The following NALF1 variants were observed in gnomAD, a reference collection of about 807,000 sequenced individuals.
The protein encoded by NALF1 is NALCN channel auxiliary factor 1.
A neutral mutation model predicts 48.4 loss-of-function variants in NALF1; 3 were observed. The ratio of observed to expected loss-of-function variants is 0.06; its 90% CI spans 0.03 to 0.16. The LOEUF (loss-of-function observed/expected upper bound fraction) is 0.16, where lower values mean the gene tolerates loss of function less well. Among genes scored for constraint, NALF1 ranks in the 10% least tolerant of loss-of-function variants. NALF1 has a pLI of 1.00. For missense variants in NALF1, 526 were observed against 571.5 expected, an observed-to-expected ratio of 0.92 and a Z score of 0.81; for synonymous variants, 262 against 245.7, an observed-to-expected ratio of 1.07 and a Z score of -0.62.
chr13:107,178,828 G>A (rs1024280464), intron 2 of NALF1, among the ~76,000 whole-genome samples: 1 of 151,834 alleles, frequency 6.6e-6, no homozygotes, highest in African/African-American at 2.4e-5. Flanking sequence ...GCCTGTAGTC[G>A]CAGCTACTCG....
chr13:107,306,217 CA>C (rs1257635027), intron 1 of NALF1, among the ~76,000 whole-genome samples: 1 of 152,054 alleles, frequency 6.6e-6, no homozygotes, highest in African/African-American at 2.4e-5. Context: ...ACCAGACAGA[CA>C]AAAACGACAA....
chr13:107,356,551 T>G (rs1355071018), intron 1 of NALF1, among the ~76,000 whole-genome samples: 1 of 152,208 alleles, frequency 6.6e-6, no homozygotes, highest in Admixed American at 6.5e-5. Context: ...ATTTTTCTAG[T>G]ATTTGTTCCA....
intron 1 of NALF1, among the ~76,000 whole-genome samples, chr13:107,815,727 G>A (rs746936282): frequency 3.9e-5 from 6 of 152,048 alleles, no homozygotes; most frequent in Non-Finnish European, 8.8e-5. Context: ...CCAAAAAGGT[G>A]AACAACCCCA....
rs1878680581 is a variant in NALF1, at chr13:107,167,280, A to G, written c.*3217T>C. 6.6e-6 allele frequency: 1 copy of G among 152,230 alleles called. No individual in the cohort carries two copies. The allele number at this position is 152,230 out of a possible 1,614,324, so 9.4% of individuals were successfully genotyped here. ...ACAGGAAAAACTAAACAAGATGATG[A>G]TTACAAAGGAGCAGGGGCTGAACTT... On this transcript the variant is annotated 3_prime_UTR_variant, in exon 3 of 3. Transcript: ENST00000375915.
intron 1 of NALF1, among the ~76,000 whole-genome samples, chr13:107,370,741 A>G (rs1408631904): frequency 6.6e-6 from 1 of 152,154 alleles, no homozygotes; most frequent in Non-Finnish European, 1.5e-5. Flanking sequence ...TTTATTTTAT[A>G]AAAAAAGGTT....
intron 1 of NALF1, among the ~76,000 whole-genome samples, chr13:107,742,191 T>G (rs935732301): frequency 6.6e-6 from 1 of 152,176 alleles, no homozygotes; most frequent in Admixed American, 6.5e-5. Context: ...AATCGCCTTG[T>G]CCTTTGATGG....
chr13:107,692,352 C>A (rs552182519), intron 1 of NALF1, among the ~76,000 whole-genome samples: 1 of 151,508 alleles, frequency 6.6e-6, no homozygotes, highest in Non-Finnish European at 1.5e-5. Context: ...AATATTAGTT[C>A]TGTGTGAAAA....
rs536752500 is a variant in NALF1, at chr13:107,681,667, G to A, written c.915+184015C>T. Among the ~76,000 whole-genome samples the A allele has an allele frequency of 6.6e-5, 10 of 152,210 alleles. No individual in the cohort carries two copies. The South Asian group carries it at 2.1e-3, about 32-fold the overall frequency. On this transcript the variant is annotated intron_variant, in intron 1 of 2. Transcript: ENST00000375915. Reference sequence around the variant, plus strand: ...TTCCCCAAGGCTGGTCCAATCTTGTGACACTTAACGCCGACATCTGGATCC... The same window carrying A: ...TTCCCCAAGGCTGGTCCAATCTTGTAACACTTAACGCCGACATCTGGATCC...
At chr13:107,288,152 CTAAA>C (rs754392759) in intron 1 of NALF1, among the ~76,000 whole-genome samples, 4 of 151,124 alleles carry the variant, frequency 2.6e-5, no homozygotes, top group Non-Finnish European at 4.4e-5. Context: ...TCTCAATTGA[CTAAA>C]TAAATTATAT....
chr13:107,546,346 T>C lies in NALF1; in HGVS notation c.915+319336A>G, dbSNP rs149957949. Among the ~76,000 whole-genome samples the C allele has an allele frequency of 7.9e-5, 12 of 152,304 alleles. No individual in the cohort carries two copies. In the East Asian group the frequency reaches 2.3e-3, roughly 29 times the overall value. On this transcript the variant is annotated intron_variant, in intron 1 of 2. Transcript: ENST00000375915. ...AGCACAAACACACCCTGCTAAGGTT[T>C]TCCAGGCTAGGCTTTCCCAGCACAG...
chr13:107,537,494 C>G (rs191802127), intron 1 of NALF1, among the ~76,000 whole-genome samples: 11 of 152,224 alleles, frequency 7.2e-5, no homozygotes, highest in Admixed American at 2.0e-4. Context: ...TTGTTTTTCA[C>G]TTTGTCATTG....
intron 1 of NALF1, among the ~76,000 whole-genome samples, chr13:107,312,256 T>G (rs958410753): frequency 4.6e-5 from 7 of 152,054 alleles, no homozygotes; most frequent in South Asian, 2.1e-4. Context: ...AAAATGATGA[T>G]TTCATGTCCT....
chr13:107,365,412 AG>A (rs1368859500), intron 1 of NALF1, among the ~76,000 whole-genome samples: 4 of 152,116 alleles, frequency 2.6e-5, no homozygotes, highest in Non-Finnish European at 4.4e-5. Context: ...AGCCCTGCCG[AG>A]AAACTTCTTG....
At chr13:107,723,495 G>A (rs1244172417) in intron 1 of NALF1, among the ~76,000 whole-genome samples, 1 of 152,164 alleles carries the variant, frequency 6.6e-6, no homozygotes. Flanking sequence ...ATGAGAGCAT[G>A]TGACATTTAA....
chr13:107,800,636 T>C (rs1449176901), intron 1 of NALF1, among the ~76,000 whole-genome samples: 4 of 146,826 alleles, frequency 2.7e-5, no homozygotes, highest in South Asian at 2.1e-4. Context: ...AATTATATAA[T>C]ACATATAAGA....
At chr13:107,516,781 G>A (rs931208779) in intron 1 of NALF1, among the ~76,000 whole-genome samples, 7 of 152,100 alleles carry the variant, frequency 4.6e-5, no homozygotes, top group African/African-American at 7.2e-5. Flanking sequence ...TGAATGTCTC[G>A]TGAGGGATTT....
chr13:107,384,032 TG>T (rs1307843225), intron 1 of NALF1, among the ~76,000 whole-genome samples: 1 of 152,158 alleles, frequency 6.6e-6, no homozygotes, highest in East Asian at 1.9e-4. Context: ...GAGCATCACT[TG>T]AGCTCAGGAG....
At chr13:107,310,959 C>G (rs1882033149) in intron 1 of NALF1, among the ~76,000 whole-genome samples, 1 of 152,090 alleles carries the variant, frequency 6.6e-6, no homozygotes, top group South Asian at 2.1e-4. Flanking sequence ...CAGTGCCAAG[C>G]CATCTGGATT....
intron 1 of NALF1, among the ~76,000 whole-genome samples, chr13:107,536,311 A>T (rs1195063173): frequency 6.6e-6 from 1 of 150,826 alleles, no homozygotes; most frequent in Non-Finnish European, 1.5e-5. Context: ...TGGGAGAAAA[A>T]TTTTCACAAC....
Sources: gnomAD v4.1 joint callset for allele counts (sites outside exome capture counted in the v4.1 genomes callset) on GRCh38, gnomAD v4.1.1 for gene constraint, MANE v1.5 for transcripts, NCBI Gene and HGNC (gene_info 2026-07-23, HGNC 2026-07-21) for gene names.